Variants in PDS5B observed in about 807,000 individuals in gnomAD.
PDS5B encodes the protein PDS5 cohesin associated factor B.
Under a neutral mutation model 184.1 loss-of-function variants are expected in PDS5B, and 51 were observed. That is an observed-to-expected ratio of 0.28 (90% CI 0.22 to 0.35). PDS5B has a LOEUF of 0.35. Among genes scored for constraint, PDS5B ranks in the 10% least tolerant of loss-of-function variants. The pLI, the probability that PDS5B is intolerant of heterozygous loss-of-function variation, is 1.00. For missense variants in PDS5B, 1,180 were observed against 1,723.3 expected (o/e 0.68, Z 5.58); for synonymous variants, 566 against 569.2 (o/e 0.99, Z 0.08).
At position 32,741,093 on chromosome 13, in the gene PDS5B, A is replaced by G; in HGVS notation, c.2420A>G (p.Lys807Arg). 1.9e-6 allele frequency: 3 copies of G among 1,571,808 alleles called. No individual in the cohort carries two copies. Among genetic ancestry groups the G allele is most frequent in the Non-Finnish European group, 2.6e-6 (3 of 1,148,766 alleles). ...LLMNDRLPGKKTTKLWVPDEE... is the reference protein window; with the variant it reads ...LLMNDRLPGKRTTKLWVPDEE... ...GTTTATTTTTAGCTTCCAGGGAAAA[A>G]GACAACTAAACTTTGGGTTCCAGAT... is the stretch of plus-strand genomic sequence containing the variant. Residue 807 changes from lysine to arginine, a missense_variant, in exon 22 of 35, where the codon AAG becomes AGG. Lys to Arg is a conservative substitution (Grantham distance 26). Coordinates refer to ENST00000315596, the MANE Select transcript of PDS5B (RefSeq NM_015032.4).
Position 32,722,302 on chromosome 13 carries a change from G to A in PDS5B, c.2124-9799G>A, listed in dbSNP as rs149018388. Among the ~76,000 whole-genome samples the A allele has an allele frequency of 9.1e-3, 1,379 of 152,366 alleles. 55 individuals carry two copies. The highest frequency in any genetic ancestry group is 0.074 in the Admixed American group (1,139 of 15,304). On this transcript the variant is annotated intron_variant, in intron 19 of 34. Coordinates refer to ENST00000315596, the MANE Select transcript of PDS5B (RefSeq NM_015032.4). ...GGAGGTTGCAGTGAGCCGAGATCGCGGCAGTACAGTCCAGCCTCGGCAACA... is the reference window on the plus strand; with the variant it reads ...GGAGGTTGCAGTGAGCCGAGATCGCAGCAGTACAGTCCAGCCTCGGCAACA...
chr13:32,624,415 C>G (rs1354830534), intron 1 of PDS5B, among the ~76,000 whole-genome samples: 1 of 152,028 alleles, frequency 6.6e-6, no homozygotes, highest in African/African-American at 2.4e-5. Flanking sequence ...ATCTGCTTGA[C>G]CTGTCCATTG....
rs1566397570 is a variant in PDS5B, at chr13:32,741,068, G to GTTTTTTTTT, written c.2407-9_2407-8insTTTTTTTTT. 6.2e-6 allele frequency: 8 copies of GTTTTTTTTT among 1,281,028 alleles called. No homozygotes were observed. The highest frequency in any genetic ancestry group is 4.3e-6 in the Non-Finnish European group (4 of 920,802). The allele number at this position is 1,281,028 out of a possible 1,614,324, so 79.4% of individuals were successfully genotyped here. On this transcript the variant is annotated splice_polypyrimidine_tract_variant and intron_variant, in intron 21 of 34. Coordinates refer to ENST00000315596, the MANE Select transcript of PDS5B (RefSeq NM_015032.4). ...AGTCCCTGGTTTTTTTTTTTTTCTCGTTTATTTTTAGCTTCCAGGGAAAAA... is the reference window on the plus strand; with the variant it reads ...AGTCCCTGGTTTTTTTTTTTTTCTCGTTTTTTTTTTTTATTTTTAGCTTCCAGGGAAAAA...
intron 20 of PDS5B, among the ~76,000 whole-genome samples, chr13:32,733,934 C>T (rs1316204477): frequency 6.6e-6 from 1 of 151,298 alleles, no homozygotes; most frequent in African/African-American, 2.5e-5. Flanking sequence ...TTCCCTCTCT[C>T]TCCTTATGCC....
At chr13:32,630,189 A>G (rs2058433157) in intron 1 of PDS5B, among the ~76,000 whole-genome samples, 1 of 152,230 alleles carries the variant, frequency 6.6e-6, no homozygotes, top group African/African-American at 2.4e-5. Context: ...ACATTATCAC[A>G]TGCATGCAAA....
intron 17 of PDS5B, 54 bp downstream of exon 17, chr13:32,701,492 C>T: frequency 9.1e-7 from 1 of 1,093,540 alleles, no homozygotes; most frequent in Non-Finnish European, 1.4e-6. Flanking sequence ...TGTGTACATT[C>T]AGGAATCAGT....
intron 1 of PDS5B, among the ~76,000 whole-genome samples, chr13:32,639,886 G>T (rs1369300721): frequency 2.6e-5 from 4 of 152,194 alleles, no homozygotes; most frequent in Admixed American, 1.3e-4. Context: ...GGTTTGATTT[G>T]ATTTCTGTGA....
intron 19 of PDS5B, among the ~76,000 whole-genome samples, chr13:32,720,788 C>A (rs537479504): frequency 6.6e-6 from 1 of 151,734 alleles, no homozygotes; most frequent in Non-Finnish European, 1.5e-5. Context: ...GAGGACCCTG[C>A]GGCCTTCCGC....
At chr13:32,637,312 A>G (rs2058580212) in intron 1 of PDS5B, among the ~76,000 whole-genome samples, 2 of 152,246 alleles carry the variant, frequency 1.3e-5, no homozygotes, top group East Asian at 1.9e-4. Flanking sequence ...GTAAATATTG[A>G]AAGGGAATTG....
In PDS5B at chr13:32,659,135, A is replaced by T; in HGVS notation, c.498-19A>T. ...TATATCTCAGTTGTAATTGAAACAA[A>T]ATCTGTTTTGAATTGCAGCAATGGC... On this transcript the variant is annotated intron_variant, in intron 5 of 34. Transcript: ENST00000315596. The T allele has an allele frequency of 6.6e-7, 1 of 1,511,162 alleles. No individual in the cohort carries two copies. The highest frequency in any genetic ancestry group is 9.0e-7 in the Non-Finnish European group (1 of 1,115,436). 93.6% of individuals were successfully genotyped at this position (1,511,162 alleles called of 1,614,324 possible).
chr13:32,737,901 T>C (rs1432326075), intron 21 of PDS5B, among the ~76,000 whole-genome samples: 1 of 152,188 alleles, frequency 6.6e-6, no homozygotes, highest in African/African-American at 2.4e-5. Context: ...CTTGGGTTAA[T>C]CTGTAACAGC....
At chr13:32,627,407 A>G (rs993772416) in intron 1 of PDS5B, among the ~76,000 whole-genome samples, 1 of 152,218 alleles carries the variant, frequency 6.6e-6, no homozygotes, top group African/African-American at 2.4e-5. Flanking sequence ...ATCTCACAAG[A>G]CAGTATATAC....
chr13:32,704,946 T>G (rs1951965971), intron 17 of PDS5B, among the ~76,000 whole-genome samples: 1 of 152,238 alleles, frequency 6.6e-6, no homozygotes, highest in Admixed American at 6.5e-5. Flanking sequence ...TTGAGTGTTT[T>G]GTTTTACTCC....
chr13:32,703,584 G>C (rs890925704), intron 17 of PDS5B, among the ~76,000 whole-genome samples: 14 of 152,208 alleles, frequency 9.2e-5, no homozygotes, highest in Admixed American at 2.6e-4. Flanking sequence ...TTGCACATAG[G>C]GTGAGTAACC....
At chr13:32,617,833 A>G (rs1388988994) in intron 1 of PDS5B, among the ~76,000 whole-genome samples, 2 of 152,130 alleles carry the variant, frequency 1.3e-5, no homozygotes, top group East Asian at 1.9e-4. Flanking sequence ...TTTCATCATT[A>G]TGTATGTTCT....
intron 19 of PDS5B, among the ~76,000 whole-genome samples, chr13:32,720,775 G>A (rs1396182693): frequency 6.6e-6 from 1 of 151,536 alleles, no homozygotes; most frequent in African/African-American, 2.4e-5. Flanking sequence ...GTTTTCCTAG[G>A]CAGAGGACCC....
chr13:32,738,416 C>T (rs1035867177), intron 21 of PDS5B, among the ~76,000 whole-genome samples: 4 of 152,066 alleles, frequency 2.6e-5, no homozygotes, highest in Non-Finnish European at 5.9e-5. Context: ...TCATTATAGT[C>T]CCAATGTGCA....
chr13:32,595,454 T>C (rs757789776), intron 1 of PDS5B, among the ~76,000 whole-genome samples: 4 of 152,222 alleles, frequency 2.6e-5, no homozygotes, highest in Non-Finnish European at 5.9e-5. Context: ...TTATATATGT[T>C]AATGTTATGT....
intron 24 of PDS5B, among the ~76,000 whole-genome samples, chr13:32,751,069 C>G (rs1451109116): frequency 1.3e-5 from 2 of 152,132 alleles, no homozygotes; most frequent in Non-Finnish European, 2.9e-5. Context: ...GTCTGTTCTT[C>G]TCTTCTTTGT....
Sources: allele counts gnomAD v4.1 joint callset (sites outside exome capture counted in the v4.1 genomes callset), GRCh38; gene constraint gnomAD v4.1.1; transcripts MANE v1.5; gene names NCBI Gene and HGNC (gene_info 2026-07-23, HGNC 2026-07-21).